RBL2: variants seen among roughly 807,000 people sequenced by gnomAD.
RBL2 encodes the protein RB transcriptional corepressor like 2.
Under a neutral mutation model 126.0 loss-of-function variants are expected in RBL2, and 56 were observed. The observed-to-expected ratio is 0.44, with a 90% confidence interval of 0.36 to 0.56. The LOEUF (loss-of-function observed/expected upper bound fraction) is 0.56. RBL2 is among the 20% of genes least tolerant of loss of function. The probability of loss-of-function intolerance (pLI) is 0.00; values close to 1 mark genes in which losing one functional copy is unlikely to be tolerated. For missense variants in RBL2, 1,229 were observed against 1,398.2 expected (o/e 0.88, Z 1.93); for synonymous variants, 454 against 478.5 (o/e 0.95, Z 0.67).
chr16:53,481,066 G>A (rs907782646), intron 20 of RBL2: 2 of 227,956 alleles, frequency 8.8e-6, no homozygotes, highest in African/African-American at 4.6e-5. Context: ...GGCTGAGGCA[G>A]GAGAATTGTT....
At chr16:53,445,883 A>T (rs2058057657) in intron 3 of RBL2, 1 of 152,248 alleles carries the variant, frequency 6.6e-6, no homozygotes, top group Admixed American at 6.5e-5. Flanking sequence ...GGGAATACAG[A>T]TGTAAAACTT....
chr16:53,435,772 T>C (rs1261076336), intron 1 of RBL2: 1 of 1,272,906 alleles, frequency 7.9e-7, no homozygotes, highest in South Asian at 1.2e-5. Flanking sequence ...TGTTTTTGGC[T>C]ATGTGTACTG....
intron 21 of RBL2, among the ~76,000 whole-genome samples, chr16:53,486,807 T>C (rs763396933): frequency 6.6e-6 from 1 of 152,152 alleles, no homozygotes; most frequent in Non-Finnish European, 1.5e-5. Context: ...ACAGCCTGGA[T>C]TGTCTACATA....
intron 1 of RBL2, among the ~76,000 whole-genome samples, 198 bp downstream of exon 1, chr16:53,434,994 C>T (rs537012702): frequency 6.6e-6 from 1 of 152,318 alleles, no homozygotes; most frequent in African/African-American, 2.4e-5. Context: ...TTTCCTGCGG[C>T]TTCCGAATGG....
At chr16:53,465,813 T>C (rs1072911) in intron 13 of RBL2, 186,522 of 380,522 alleles carry the variant, frequency 0.49, 50,244 homozygotes, top group African/African-American at 0.81. Context: ...TCCAGCTTGG[T>C]AAGTAGATAA....
chr16:53,447,038 A>C lies in RBL2; in HGVS notation c.573-4A>C. The C allele has an allele frequency of 6.7e-7, 1 of 1,502,646 alleles. No homozygotes were observed. Among genetic ancestry groups the C allele is most frequent in the Non-Finnish European group, 8.8e-7 (1 of 1,130,134 alleles). 93.1% of individuals were successfully genotyped at this position (1,502,646 alleles called of 1,614,324 possible). On this transcript the variant is annotated splice_polypyrimidine_tract_variant and splice_region_variant and intron_variant, in intron 3 of 21. Coordinates refer to ENST00000262133, the MANE Select transcript of RBL2 (RefSeq NM_005611.4). The stretch of plus-strand genomic sequence containing the variant: ...TCATGACTTTTTTTTTTCTTCCCCC[A>C]AAGGCGACAGCCCTGTACTGTGTCT...
At chr16:53,478,558 T>TC (rs2150822759) in intron 17 of RBL2, among the ~76,000 whole-genome samples, 1 of 151,502 alleles carries the variant, frequency 6.6e-6, no homozygotes, top group East Asian at 1.9e-4. Context: ...TTTTTTTTTT[T>TC]TTTGCTAGTT....
intron 21 of RBL2, 120 bp downstream of exon 21, chr16:53,481,955 C>T (rs1463188363): frequency 3.7e-5 from 45 of 1,200,332 alleles, no homozygotes; most frequent in Non-Finnish European, 5.3e-5. Flanking sequence ...GAGCAGTGAT[C>T]AGTCAGTCCT....
chr16:53,461,384 T>A (rs1290184981), intron 9 of RBL2, among the ~76,000 whole-genome samples: 1 of 152,048 alleles, frequency 6.6e-6, no homozygotes, highest in African/African-American at 2.4e-5. Context: ...TTCCAGCTAC[T>A]TGGAGGCTGA....
At chr16:53,458,485 A>G (rs533575985) in intron 8 of RBL2, among the ~76,000 whole-genome samples, 1 of 152,340 alleles carries the variant, frequency 6.6e-6, no homozygotes, top group Non-Finnish European at 1.5e-5. Flanking sequence ...TCTGGTAACC[A>G]AAGGTAGAGG....
At chr16:53,447,019 C>CTT in intron 3 of RBL2, 23 bp from the exon 4 acceptor site, 44 of 1,334,122 alleles carry the variant, frequency 3.3e-5, no homozygotes, top group South Asian at 9.4e-5. Flanking sequence ...TGTCTCATGA[C>CTT]TTTTTTTTTT....
chr16:53,479,190 C>T lies in RBL2; in HGVS notation c.2740C>T (p.Arg914Cys). 1.9e-6 allele frequency: 3 copies of T among 1,613,848 alleles called. No individual in the cohort carries two copies. The highest frequency in any genetic ancestry group is 2.5e-6 in the Non-Finnish European group (3 of 1,179,840). Residue 914 changes from arginine to cysteine, a missense_variant, in exon 18 of 22, where the codon CGT (arginine) becomes TGT (cysteine). Arg to Cys is a radical substitution (Grantham distance 180, BLOSUM62 -3). Coordinates refer to ENST00000262133, the MANE Select transcript of RBL2 (RefSeq NM_005611.4). ...KEDKSFQNIM[R>C]CYRTQPQARS... ...AGATAAGTCCTTCCAGAACATTATG[C>T]GTTGTTATAGGACTCAGCCGCAGGC...
intron 12 of RBL2, 162 bp downstream of exon 12, chr16:53,464,525 T>C (rs1240434042): frequency 1.2e-5 from 7 of 586,578 alleles, no homozygotes; most frequent in Non-Finnish European, 1.9e-5. Flanking sequence ...TCTTAAGACC[T>C]ATGTAAATTC....
At chr16:53,446,768 A>C (rs1017725667) in intron 3 of RBL2, among the ~76,000 whole-genome samples, 1 of 152,210 alleles carries the variant, frequency 6.6e-6, no homozygotes, top group Non-Finnish European at 1.5e-5. Flanking sequence ...ATTTTTATTC[A>C]TTTTATTTTC....
intron 3 of RBL2, 140 bp from the exon 4 acceptor site, chr16:53,446,902 C>T: frequency 2.3e-6 from 1 of 441,398 alleles, no homozygotes; most frequent in Non-Finnish European, 4.1e-6. Context: ...GGCAGAACGT[C>T]CACGTTTTCC....
chr16:53,449,625 A>G (rs1302870732), intron 4 of RBL2: 2 of 150,710 alleles, frequency 1.3e-5, no homozygotes, highest in African/African-American at 4.9e-5. Flanking sequence ...GTCCTCTCAC[A>G]GTCCACCACT....
At chr16:53,471,584 GTA>G (rs1960526623) in intron 17 of RBL2, among the ~76,000 whole-genome samples, 1 of 151,624 alleles carries the variant, frequency 6.6e-6, no homozygotes, top group Non-Finnish European at 1.5e-5. Context: ...TTCTCCTGTC[GTA>G]GCCTCCCGAG....
chr16:53,450,239 G>C (rs1374094334), intron 4 of RBL2, among the ~76,000 whole-genome samples: 1 of 151,894 alleles, frequency 6.6e-6, no homozygotes, highest in African/African-American at 2.4e-5. Context: ...TTGATTTGTT[G>C]AATGTTTCCA....
chr16:53,439,954 C>CAAAAAAAAAAAAAAAAAAA (rs10591959), intron 2 of RBL2, among the ~76,000 whole-genome samples: 3 of 91,962 alleles, frequency 3.3e-5, no homozygotes, highest in African/African-American at 1.2e-4. Context: ...ACCTTGTCTC[C>CAAAAAAAAAAAAAAAAAAA]AAAAAAAAAA....
Sources: allele counts gnomAD v4.1 joint callset (sites outside exome capture counted in the v4.1 genomes callset), GRCh38; gene constraint gnomAD v4.1.1; transcripts MANE v1.5; gene names NCBI Gene and HGNC (gene_info 2026-07-23, HGNC 2026-07-21).